Variants in UBR1 observed in about 807,000 individuals in gnomAD.
The protein encoded by UBR1 is E3 ubiquitin-protein ligase UBR1.
UBR1 carries 102 observed loss-of-function variants against 242.1 expected under a neutral mutation model. That is an observed-to-expected ratio of 0.42 (90% CI 0.36 to 0.50). The LOEUF (loss-of-function observed/expected upper bound fraction) is 0.50, where lower values mean the gene tolerates loss of function less well. UBR1 is among the 20% of genes least tolerant of loss of function. The pLI is 0.01. For missense variants in UBR1, 1,772 were observed against 2,101.8 expected (o/e 0.84, Z 3.07); for synonymous variants, 675 against 684.8 (o/e 0.99, Z 0.22).
intron 1 of UBR1, among the ~76,000 whole-genome samples, chr15:43,103,971 T>C (rs2141375219): frequency 6.6e-6 from 1 of 152,278 alleles, no homozygotes; most frequent in South Asian, 2.1e-4. Context: ...GGGTCTTCAG[T>C]AGACAGAGAG....
Position 43,059,190 on chromosome 15 carries a change from C to T in UBR1, c.988G>A (p.Asp330Asn). 1 of 1,613,300 alleles carries T rather than the reference C, an allele frequency of 6.2e-7. No individual in the cohort carries two copies. Among genetic ancestry groups the T allele is most frequent in the East Asian group, 2.2e-5 (1 of 44,856 alleles). The change falls in exon 9 of 47, where the codon GAC becomes AAC. Residue 330 changes from aspartate (D) to asparagine (N), a missense_variant and splice_region_variant. Physicochemically the swap from Asp to Asn is conservative, Grantham distance 23 (BLOSUM62 1). Around this residue, in one of 3 missense-constraint regions of UBR1, gnomAD observed 734 missense variants for 893.3 expected, o/e 0.82. Coordinates refer to ENST00000290650, the MANE Select transcript of UBR1 (RefSeq NM_174916.3). Reference sequence around the variant, plus strand: ...GCTTGGCAAAAGATCTGCCTAAAGTCACCTACAAACAAAAGAGGTCACACA... The same window carrying T: ...GCTTGGCAAAAGATCTGCCTAAAGTTACCTACAAACAAAAGAGGTCACACA... ...WMNKIMSYSS[D>N]FRQIFCQACL... is the part of the protein sequence containing the mutation.
At chr15:42,957,945 G>T in intron 44 of UBR1, 68 bp downstream of exon 44, 1 of 1,287,228 alleles carries the variant, frequency 7.8e-7, no homozygotes. Context: ...GTTAGTTATG[G>T]CATATACCAA....
At chr15:42,995,468 GC>G in intron 33 of UBR1, among the ~76,000 whole-genome samples, 1 of 149,384 alleles carries the variant, frequency 6.7e-6, no homozygotes, top group Admixed American at 6.7e-5. Context: ...GACCATCCTG[GC>G]TAACACGGTG....
chr15:43,097,830 G>A (rs1337432720), intron 1 of UBR1, among the ~76,000 whole-genome samples: 1 of 152,188 alleles, frequency 6.6e-6, no homozygotes, highest in East Asian at 1.9e-4. Flanking sequence ...TCTATCCAGA[G>A]CACTAAAACT....
chr15:43,054,713 G>A (rs1280096345), intron 12 of UBR1, 29 bp downstream of exon 12: 1 of 1,612,962 alleles, frequency 6.2e-7, no homozygotes, highest in South Asian at 1.1e-5. Context: ...TTTAACAGGT[G>A]CCCTCACCTT....
At chr15:43,068,064 G>A in intron 5 of UBR1, 28 bp from the exon 6 acceptor site, 1 of 1,354,798 alleles carries the variant, frequency 7.4e-7, no homozygotes, top group South Asian at 1.3e-5. Context: ...TATATATTTG[G>A]ATACTACAAC....
At chr15:42,989,495 T>C (rs2141276418) in intron 34 of UBR1, among the ~76,000 whole-genome samples, 1 of 152,326 alleles carries the variant, frequency 6.6e-6, no homozygotes, top group South Asian at 2.1e-4. Flanking sequence ...ATGGGATAGA[T>C]AAACAAGGAT....
At chr15:42,992,467 C>A (rs113860366) in intron 33 of UBR1, among the ~76,000 whole-genome samples, 53 of 152,222 alleles carry the variant, frequency 3.5e-4, no homozygotes, top group Non-Finnish European at 4.6e-4. Context: ...CTGTCTCATC[C>A]TCTGTGGATG....
chr15:42,950,942 A>G (rs748104305), intron 45 of UBR1, among the ~76,000 whole-genome samples: 2 of 152,254 alleles, frequency 1.3e-5, no homozygotes, highest in African/African-American at 4.8e-5. Flanking sequence ...AGTACTTTAC[A>G]GATAAATTAT....
At chr15:42,991,780 G>A (rs941112901) in intron 33 of UBR1, among the ~76,000 whole-genome samples, 6 of 151,884 alleles carry the variant, frequency 4.0e-5, no homozygotes, top group African/African-American at 1.5e-4. Flanking sequence ...TTGCTGTGTT[G>A]CCCAGGCTGG....
At chr15:43,080,105 T>G (rs181255282) in intron 3 of UBR1, among the ~76,000 whole-genome samples, 118 of 152,342 alleles carry the variant, frequency 7.7e-4, no homozygotes, top group African/African-American at 2.6e-3. Flanking sequence ...GCAGGCCACA[T>G]AGCCTCTGTC....
chr15:43,014,428 G>T (rs1326858556), intron 29 of UBR1, among the ~76,000 whole-genome samples: 1 of 151,820 alleles, frequency 6.6e-6, no homozygotes, highest in Non-Finnish European at 1.5e-5. Flanking sequence ...ATCCCATCTA[G>T]GAAGTGAGGA....
intron 21 of UBR1, 148 bp from the exon 22 acceptor site, chr15:43,027,976 A>C (rs2141308127): frequency 1.4e-6 from 1 of 737,700 alleles, no homozygotes; most frequent in East Asian, 2.9e-5. Flanking sequence ...ATTAGGTCTA[A>C]AACCAATTAT....
At chr15:43,068,057 A>G (rs2033776626) in intron 5 of UBR1, 21 bp from the exon 6 acceptor site, 6 of 1,503,952 alleles carry the variant, frequency 4.0e-6, no homozygotes, top group Non-Finnish European at 5.5e-6. Flanking sequence ...AAAAACATAT[A>G]TATTTGGATA....
chr15:43,090,286 A>AC (rs2034091672), intron 1 of UBR1, among the ~76,000 whole-genome samples: 1 of 152,182 alleles, frequency 6.6e-6, no homozygotes, highest in Admixed American at 6.5e-5. Flanking sequence ...GAGAAAAATC[A>AC]TGACGACTAT....
chr15:43,036,699 A>G (rs564511758), intron 17 of UBR1, 106 bp from the exon 18 acceptor site: 2 of 751,498 alleles, frequency 2.7e-6, no homozygotes, highest in Non-Finnish European at 4.6e-6. Flanking sequence ...AAACCCCTCA[A>G]AATCCTTAGT....
intron 1 of UBR1, among the ~76,000 whole-genome samples, chr15:43,099,880 CTT>C (rs78614852): frequency 1.2e-4 from 17 of 142,878 alleles, no homozygotes; most frequent in Admixed American, 2.8e-4. Flanking sequence ...AGAGGTGCCT[CTT>C]TTTTTTTTTT....
intron 35 of UBR1, among the ~76,000 whole-genome samples, chr15:42,988,269 A>ATGTGTG (rs112501912): frequency 8.2e-4 from 122 of 147,884 alleles, no homozygotes; most frequent in Admixed American, 4.2e-3. Context: ...AAAGGAATAT[A>ATGTGTG]TGTGTGTGTG....
At chr15:43,079,372 T>C (rs1682154451) in intron 3 of UBR1, among the ~76,000 whole-genome samples, 1 of 152,004 alleles carries the variant, frequency 6.6e-6, no homozygotes, top group South Asian at 2.1e-4. Context: ...CTAAGAAAAC[T>C]TTCTGCAAAT....
Sources: allele counts gnomAD v4.1 joint callset (sites outside exome capture counted in the v4.1 genomes callset), GRCh38; gene constraint gnomAD v4.1.1; regional missense constraint gnomAD v4.1.1; transcripts MANE v1.5; gene names NCBI Gene and HGNC (gene_info 2026-07-23, HGNC 2026-07-21).